LSP1: variants seen among roughly 807,000 people sequenced by gnomAD.
The protein encoded by LSP1 is lymphocyte-specific protein 1.
A neutral mutation model predicts 49.3 loss-of-function variants in LSP1; 32 were observed. That is an observed-to-expected ratio of 0.65 (90% CI 0.49 to 0.87). The LOEUF (loss-of-function observed/expected upper bound fraction) is 0.87. Ranked by LOEUF, LSP1 falls within the 40% of genes least tolerant of loss-of-function variation. The pLI is 0.00. For missense variants in LSP1, 428 were observed against 442.6 expected, an observed-to-expected ratio of 0.97 and a Z score of 0.30; for synonymous variants, 179 against 178.8, an observed-to-expected ratio of 1.00 and a Z score of -0.01.
chr11:1,889,939 G>C (rs554762134), intron 10 of LSP1: 1 of 631,090 alleles, frequency 1.6e-6, no homozygotes, highest in African/African-American at 1.8e-5. Context: ...GCCCTGGGGG[G>C]ACTTGGGGTG....
At chr11:1,864,041 A>C in intron 1 of LSP1, 2 of 173,490 alleles carry the variant, frequency 1.2e-5, no homozygotes, top group Non-Finnish European at 1.6e-5. Context: ...GAGAACCAGG[A>C]GCGGGGGAGA....
At chr11:1,871,005 C>A (rs1001137899) in intron 1 of LSP1, 9 of 985,586 alleles carry the variant, frequency 9.1e-6, no homozygotes, top group Non-Finnish European at 8.4e-6. Flanking sequence ...TCCCCTCCTG[C>A]GGGAAGCAGG....
chr11:1,884,369 T>C lies in LSP1; in HGVS notation c.635+46T>C. 4 of 1,613,298 alleles carry C rather than the reference T, an allele frequency of 2.5e-6. No individual in the cohort carries two copies. Among genetic ancestry groups the C allele is most frequent in the Non-Finnish European group, 3.4e-6 (4 of 1,179,382 alleles). On this transcript the variant is annotated intron_variant, in intron 6 of 10. Coordinates refer to ENST00000311604, the MANE Select transcript of LSP1 (RefSeq NM_002339.3). This position sits in a 1 kb window ranked among gnomAD's most constrained non-coding sequence, Gnocchi z 4.1. ...GCTTTCTGGGCTCAGATCTTAGGTT[T>C]AACCAAGTGGGGGTTGAAGGGAGTC...
Position 1,884,328 on chromosome 11 carries a change from G to T in LSP1, c.635+5G>T. ...AAACCGCTCCATAGAGAAGAGGTCT[G>T]TCTGTCTGTCTGTCTGCTTTCTGGG... On this transcript the variant is annotated splice_donor_5th_base_variant and intron_variant, in intron 6 of 10. Coordinates refer to ENST00000311604, the MANE Select transcript of LSP1 (RefSeq NM_002339.3). This position sits in a 1 kb window ranked among gnomAD's most constrained non-coding sequence, Gnocchi z 4.1. 1 of 1,614,056 alleles carries T rather than the reference G, an allele frequency of 6.2e-7. No homozygotes were observed. Among genetic ancestry groups the T allele is most frequent in the Non-Finnish European group, 8.5e-7 (1 of 1,179,976 alleles).
intron 1 of LSP1, among the ~76,000 whole-genome samples, chr11:1,873,058 C>CAGAGGTGGAGGCAGGG (rs1565078495): frequency 2.6e-5 from 4 of 151,838 alleles, no homozygotes; most frequent in East Asian, 1.9e-4. Flanking sequence ...CACCTCTCCC[C>CAGAGGTGGAGGCAGGG]AGAGGTGGAG....
intron 10 of LSP1, chr11:1,890,432 C>T (rs1178442056): frequency 7.0e-6 from 5 of 717,146 alleles, no homozygotes; most frequent in Non-Finnish European, 1.3e-5. Context: ...GTGTGCCTCC[C>T]ATCATCTTCT....
intron 1 of LSP1, among the ~76,000 whole-genome samples, chr11:1,873,935 A>G (rs111312679): frequency 1.6e-3 from 91 of 56,180 alleles, no homozygotes; most frequent in Non-Finnish European, 1.9e-3. Context: ...GGAGGCCGGC[A>G]GAGGAGGGAG....
Position 1,854,044 on chromosome 11 carries a change from G to A in LSP1, c.53+847G>A, listed in dbSNP as rs530277141. On this transcript the variant is annotated intron_variant, in intron 1 of 10. Coordinates refer to ENST00000311604, the MANE Select transcript of LSP1 (RefSeq NM_002339.3). The stretch of plus-strand genomic sequence containing the variant: ...GCTGAGCCTCGCCAGGGGAACCCGA[G>A]TTGCCCCCGGTGCAGGTCCCAGAAG... Among the ~76,000 whole-genome samples the A allele has an allele frequency of 7.2e-5, 11 of 152,316 alleles. No homozygotes were observed. The South Asian group carries it at 2.3e-3, about 32-fold the overall frequency.
chr11:1,877,061 G>C (rs929353048), intron 1 of LSP1, among the ~76,000 whole-genome samples: 3 of 152,210 alleles, frequency 2.0e-5, no homozygotes, highest in African/African-American at 7.2e-5. Flanking sequence ...GCAGCTGCAC[G>C]GGGCTGAGCC....
At chr11:1,883,146 T>TGG (rs914699493) in intron 3 of LSP1, among the ~76,000 whole-genome samples, 2 of 152,172 alleles carry the variant, frequency 1.3e-5, no homozygotes, top group Non-Finnish European at 2.9e-5. Flanking sequence ...CCTCAGTGCC[T>TGG]GGGGGACCCT....
In LSP1 at chr11:1,862,548, G is replaced by A. The variant is rs143717037; in HGVS notation, c.53+9351G>A. ...GGCAAGGAGGAAATAGGCAGGTTGA[G>A]GTGCAAATGAAGCACATGCTCACTG... On this transcript the variant is annotated intron_variant, in intron 1 of 10. Coordinates refer to ENST00000311604, the MANE Select transcript of LSP1 (RefSeq NM_002339.3). 2.6e-3 allele frequency among the ~76,000 whole-genome samples: 398 copies of A among 152,238 alleles called. 1 individual carries two copies. The highest frequency in any genetic ancestry group is 9.3e-3 in the African/African-American group (385 of 41,542).
rs1308415959 is a variant in LSP1 at position 1,892,041 on chromosome 11, T to C, written c.*282T>C. The stretch of plus-strand genomic sequence containing the variant: ...GGGGGAGGAAAGAAACTCCTGATCA[T>C]TGGCCAAAGGGACTTACCCCTGGAG... On this transcript the variant is annotated 3_prime_UTR_variant, in exon 11 of 11. Coordinates refer to ENST00000311604, the MANE Select transcript of LSP1 (RefSeq NM_002339.3). The C allele has an allele frequency of 7.0e-6, 1 of 142,312 alleles. No homozygotes were observed. Among genetic ancestry groups the C allele is most frequent in the African/African-American group, 2.5e-5 (1 of 39,698 alleles). The allele number at this position is 142,312 out of a possible 1,614,324, so 8.8% of individuals were successfully genotyped here. A position where few individuals can be genotyped will look rare whatever the true frequency, so the allele number is the denominator to read the frequency against.
chr11:1,871,383 C>T, intron 1 of LSP1: 11 of 986,262 alleles, frequency 1.1e-5, no homozygotes, highest in Non-Finnish European at 1.3e-5. Flanking sequence ...GCTGCCGGCA[C>T]AGGGCTGACC....
intron 1 of LSP1, among the ~76,000 whole-genome samples, chr11:1,856,142 C>A (rs955671275): frequency 1.3e-5 from 2 of 152,218 alleles, no homozygotes; most frequent in Admixed American, 1.3e-4. Context: ...CACCCTGTCC[C>A]ACAGACACCC....
intron 3 of LSP1, among the ~76,000 whole-genome samples, chr11:1,881,993 G>A (rs779572451): frequency 1.4e-4 from 21 of 152,196 alleles, no homozygotes; most frequent in Non-Finnish European, 2.4e-4. Flanking sequence ...CCGTAATGGA[G>A]GCTGAGAGCC....
At position 1,889,315 on chromosome 11, in the gene LSP1, C is replaced by G. The variant is rs1589835091; in HGVS notation, c.*13+1739C>G. The G allele has an allele frequency of 4.2e-6, 3 of 707,670 alleles. No homozygotes were observed. In the East Asian group the frequency reaches 8.1e-5, roughly 19 times the overall value. The allele number at this position is 707,670 out of a possible 1,614,324, so 43.8% of individuals were successfully genotyped here. A position where few individuals can be genotyped will look rare whatever the true frequency, so the allele number is the denominator to read the frequency against. On this transcript the variant is annotated intron_variant, in intron 10 of 10. Coordinates refer to ENST00000311604, the MANE Select transcript of LSP1 (RefSeq NM_002339.3). ...CGGGTGAGGCTGGCTGGGGTGTGCT[C>G]CCCACCGCTGGGCCCTGCCAGGCGC...
chr11:1,868,151 C>T (rs1016521991), intron 1 of LSP1, among the ~76,000 whole-genome samples: 3 of 152,244 alleles, frequency 2.0e-5, no homozygotes, highest in South Asian at 2.1e-4. Context: ...CCACTCAACT[C>T]CAGACGTCAC....
intron 8 of LSP1, 60 bp downstream of exon 8, chr11:1,886,926 C>T: frequency 1.3e-6 from 2 of 1,574,578 alleles, no homozygotes; most frequent in South Asian, 2.3e-5. Flanking sequence ...AGTTTAGTAG[C>T]AGGCCGGGTT....
At chr11:1,859,754 G>A (rs946687909) in intron 1 of LSP1, among the ~76,000 whole-genome samples, 30 of 36,668 alleles carry the variant, frequency 8.2e-4, no homozygotes, top group African/African-American at 2.2e-3. Flanking sequence ...CCCCCTACCC[G>A]TGGCTCTGGC....
Sources: gnomAD v4.1 joint callset for allele counts (sites outside exome capture counted in the v4.1 genomes callset) on GRCh38, gnomAD v4.1.1 for gene constraint, Gnocchi (gnomAD v3.1) non-coding constraint, MANE v1.5 for transcripts, NCBI Gene and HGNC (gene_info 2026-07-23, HGNC 2026-07-21) for gene names.